The following TSG101 variants were observed in gnomAD, a reference collection of about 807,000 sequenced individuals.
TSG101 encodes the protein tumor susceptibility gene 101 protein.
In TSG101, 19 loss-of-function variants were observed where a neutral mutation model predicts 48.5. The observed-to-expected ratio is 0.39, with a 90% CI of 0.27 to 0.58. The LOEUF is 0.58. Ranked by LOEUF, TSG101 falls within the 20% of genes least tolerant of loss-of-function variation. TSG101 has a pLI of 0.55. For synonymous variants in TSG101, 174 were observed against 169.4 expected, an observed-to-expected ratio of 1.03 and a Z score of -0.21; for missense variants, 365 against 484.4, an observed-to-expected ratio of 0.75 and a Z score of 2.31.
intron 1 of TSG101, 109 bp downstream of exon 1, chr11:18,526,666 G>A: frequency 2.2e-6 from 3 of 1,356,430 alleles, no homozygotes; most frequent in East Asian, 2.5e-5. Context: ...ACTGCACCGG[G>A]GCTTCCGGCC....
intron 6 of TSG101, 65 bp from the exon 7 acceptor site, chr11:18,502,642 C>G (rs932229359): frequency 2.3e-5 from 30 of 1,278,404 alleles, no homozygotes; most frequent in Non-Finnish European, 3.3e-5. Flanking sequence ...TTTTGAAGAA[C>G]CCCATTCAGG....
At chr11:18,490,879 G>C (rs1208959508) in intron 7 of TSG101, 25 of 515,620 alleles carry the variant, frequency 4.8e-5, no homozygotes, top group Admixed American at 4.2e-5. Flanking sequence ...GACTGCCTTC[G>C]TGACTACAGC....
intron 1 of TSG101, among the ~76,000 whole-genome samples, chr11:18,525,104 T>G (rs1245063491): frequency 6.6e-6 from 1 of 151,936 alleles, no homozygotes; most frequent in Non-Finnish European, 1.5e-5. Context: ...AGACGGGGTT[T>G]CACCATGTTG....
intron 5 of TSG101, among the ~76,000 whole-genome samples, chr11:18,509,310 T>G (rs59738510): frequency 6.6e-6 from 1 of 152,338 alleles, no homozygotes; most frequent in East Asian, 1.9e-4. Flanking sequence ...CTCCTCCATT[T>G]TGGAATCCAG....
intron 7 of TSG101, among the ~76,000 whole-genome samples, chr11:18,498,162 C>T (rs1456427039): frequency 1.3e-5 from 2 of 151,970 alleles, no homozygotes; most frequent in Admixed American, 6.6e-5. Flanking sequence ...AGGCCGTGGA[C>T]AAATCCTAAG....
intron 1 of TSG101, among the ~76,000 whole-genome samples, chr11:18,521,689 T>TC (rs1484209149): frequency 7.2e-6 from 1 of 138,618 alleles, no homozygotes; most frequent in Admixed American, 7.3e-5. Flanking sequence ...TTTTTTTTTT[T>TC]TTTTTTTGAG....
chr11:18,488,425 A>G (rs1849651290), intron 7 of TSG101, among the ~76,000 whole-genome samples: 1 of 152,190 alleles, frequency 6.6e-6, no homozygotes, highest in African/African-American at 2.4e-5. Flanking sequence ...ACTTCCCTGA[A>G]TATAGGGTCT....
chr11:18,498,658 C>T (rs980021244), intron 7 of TSG101, among the ~76,000 whole-genome samples: 1 of 152,154 alleles, frequency 6.6e-6, no homozygotes, highest in East Asian at 1.9e-4. Flanking sequence ...CTGGATATAA[C>T]AATCTCGAGT....
chr11:18,481,576 C>A, intron 9 of TSG101, 54 bp downstream of exon 9: 1 of 1,575,122 alleles, frequency 6.3e-7, no homozygotes, highest in South Asian at 1.2e-5. Flanking sequence ...TTTGCAAGGT[C>A]AGTGCCTCTA....
At chr11:18,483,707 G>A in intron 8 of TSG101, 163 bp downstream of exon 8, 7 of 713,172 alleles carry the variant, frequency 9.8e-6, no homozygotes, top group Middle Eastern at 3.9e-4. Context: ...CCAAACATAG[G>A]CTCCACTGTA....
At position 18,526,391 on chromosome 11, in the gene TSG101, G is replaced by A. The variant is rs748582786; in HGVS notation, c.42+384C>T. Among the ~76,000 whole-genome samples the A allele has an allele frequency of 4.6e-5, 7 of 152,188 alleles. No individual in the cohort carries two copies. In the East Asian group the frequency reaches 7.7e-4, roughly 17 times the overall value. On this transcript the variant is annotated intron_variant, in intron 1 of 9. Transcript: ENST00000251968. ...TAAGACTGGAGGATCCCTAGATTGGGACAGGAGTAGAGGATTGCCTCAGAT... is the reference window on the plus strand; with the variant it reads ...TAAGACTGGAGGATCCCTAGATTGGAACAGGAGTAGAGGATTGCCTCAGAT...
intron 7 of TSG101, among the ~76,000 whole-genome samples, chr11:18,502,132 G>C (rs1849899227): frequency 6.6e-6 from 1 of 152,174 alleles, no homozygotes; most frequent in African/African-American, 2.4e-5. Context: ...GATTTGACCT[G>C]CTCATATTAA....
At chr11:18,514,256 C>G (rs1011152634) in intron 4 of TSG101, among the ~76,000 whole-genome samples, 1 of 152,124 alleles carries the variant, frequency 6.6e-6, no homozygotes, top group African/African-American at 2.4e-5. Context: ...TCTTGCTTTT[C>G]TAGTTATTTT....
rs756034420 is a variant in TSG101, at chr11:18,481,767, C to A, written c.946G>T (p.Glu316Ter). The A allele has an allele frequency of 6.2e-7, 1 of 1,614,028 alleles. No individual in the cohort carries two copies. The highest frequency in any genetic ancestry group is 8.5e-7 in the Non-Finnish European group (1 of 1,180,032). ...ENQSENNDID[E>*]VIIPTAPLYK... ...AAGGGAGCTGTGGGAATGATAACTT[C>A]ATCGATATCATTGTTTTCAGACTGA... The change falls in exon 9 of 10, where the codon GAA (glutamate) becomes TAA (stop). Residue 316 changes from glutamate (E) to a stop codon, truncating the protein, a stop_gained. Coordinates refer to ENST00000251968, the MANE Select transcript of TSG101 (RefSeq NM_006292.4). LOFTEE classifies it high-confidence loss of function.
intron 7 of TSG101, among the ~76,000 whole-genome samples, chr11:18,496,701 TGGGA>T (rs948134161): frequency 1.3e-5 from 2 of 151,206 alleles, no homozygotes; most frequent in African/African-American, 4.9e-5. Flanking sequence ...GAGGCTGAGG[TGGGA>T]GGATCACCTG....
At position 18,481,867 on chromosome 11, in the gene TSG101, G is replaced by A. The variant is rs369798357; in HGVS notation, c.846C>T (p.Ala282=). ...AAAGTTCTATGTTTTTATCAACCTC[G>A]GCCTGAAAACAGAACAGTCCAAGCA... ...EMVTRLDQEV[A]EVDKNIELLK... is the part of the protein sequence containing the mutation. The change falls in exon 9 of 10, where the codon GCC becomes GCT. Residue 282 remains alanine (A), a splice_region_variant and synonymous_variant. Transcript: ENST00000251968. 24 of 1,612,178 alleles carry A rather than the reference G, an allele frequency of 1.5e-5. No homozygotes were observed. Among genetic ancestry groups the A allele is most frequent in the Middle Eastern group, 1.9e-4 (1 of 5,194 alleles).
At chr11:18,515,986 A>G (rs184604944) in intron 3 of TSG101, 113 bp downstream of exon 3, 20 of 849,152 alleles carry the variant, frequency 2.4e-5, no homozygotes, top group South Asian at 8.7e-5. Context: ...GTTAAAATCT[A>G]TATCAGCATC....
Position 18,514,810 on chromosome 11 carries a change from C to A in TSG101, c.225G>T (p.Trp75Cys). 2 of 1,571,870 alleles carry A rather than the reference C, an allele frequency of 1.3e-6. No individual in the cohort carries two copies. The highest frequency in any genetic ancestry group is 2.4e-5 in the East Asian group (1 of 42,476). The part of the protein sequence containing the change: ...GNTYNIPICL[W>C]LLDTYPYNPP... ...GATTATATGGGTATGTGTCCAGTAG[C>A]CATAGGCATATTGGAATATTGTATG... The change falls in exon 4 of 10, where the codon TGG becomes TGT. Residue 75 changes from tryptophan (W) to cysteine (C), a missense_variant. Coordinates refer to ENST00000251968, the MANE Select transcript of TSG101 (RefSeq NM_006292.4).
intron 6 of TSG101, among the ~76,000 whole-genome samples, chr11:18,503,534 G>A (rs564020993): frequency 1.3e-4 from 19 of 151,838 alleles, no homozygotes; most frequent in South Asian, 8.3e-4. Flanking sequence ...CACCACACCC[G>A]GCTAATTTTT....
Sources: gnomAD v4.1 joint callset for allele counts (sites outside exome capture counted in the v4.1 genomes callset) on GRCh38, gnomAD v4.1.1 for gene constraint, MANE v1.5 for transcripts, NCBI Gene and HGNC (gene_info 2026-07-23, HGNC 2026-07-21) for gene names.